The following GLIS3 variants were observed in gnomAD, a reference collection of about 807,000 sequenced individuals.
The protein encoded by GLIS3 is zinc finger protein GLIS3.
GLIS3 carries 53 observed loss-of-function variants against 78.6 expected under a neutral mutation model. That is an observed-to-expected ratio of 0.67 (90% CI 0.54 to 0.85). The LOEUF (loss-of-function observed/expected upper bound fraction) is 0.85, where lower values mean the gene tolerates loss of function less well. Ranked by LOEUF, GLIS3 falls within the 40% of genes least tolerant of loss-of-function variation. The pLI is 0.00. For synonymous variants in GLIS3, 684 were observed against 509.9 expected (o/e 1.34, Z -4.60); for missense variants, 1,703 against 1,231.1 (o/e 1.38, Z -5.74).
intron 2 of GLIS3, among the ~76,000 whole-genome samples, chr9:4,179,002 C>A (rs1277334611): frequency 6.6e-6 from 1 of 152,068 alleles, no homozygotes; most frequent in African/African-American, 2.4e-5. Context: ...CTGCAATTAC[C>A]AGAGTTTTTG....
chr9:4,337,444 C>T (rs975501793), intron 2 of GLIS3, among the ~76,000 whole-genome samples: 10 of 152,118 alleles, frequency 6.6e-5, no homozygotes, highest in African/African-American at 1.4e-4. Context: ...CAAAATCGTA[C>T]GGACAGTATT....
chr9:4,250,221 A>C (rs1287022519), intron 2 of GLIS3, among the ~76,000 whole-genome samples: 1 of 152,256 alleles, frequency 6.6e-6, no homozygotes, highest in Non-Finnish European at 1.5e-5. Flanking sequence ...TACCTCTGGT[A>C]AAATTCGGCT....
At chr9:4,238,107 T>C (rs1822944671) in intron 2 of GLIS3, among the ~76,000 whole-genome samples, 1 of 152,150 alleles carries the variant, frequency 6.6e-6, no homozygotes. Flanking sequence ...GAGTAAGCCT[T>C]TAGGACCACT....
Position 4,319,977 on chromosome 9 carries a change from A to AG in GLIS3, n.265-9450dup, listed in dbSNP as rs1563931479. Among the ~76,000 whole-genome samples, 5 of 145,134 alleles carry AG rather than the reference A, an allele frequency of 3.4e-5. No homozygotes were observed. The East Asian group carries it at 6.0e-4, about 17-fold the overall frequency. On this transcript the variant is annotated intron_variant and non_coding_transcript_variant, in intron 2 of 4. Coordinates refer to the GLIS3 transcript ENST00000471664. ...ATTGGTCCTTACAGTAGGTTAGTAGAGGGGGTTGTGTGTGTGTGTGTGTGT... is the reference window on the plus strand; with the variant it reads ...ATTGGTCCTTACAGTAGGTTAGTAGAGGGGGGTTGTGTGTGTGTGTGTGTGT...
intron 7 of GLIS3, among the ~76,000 whole-genome samples, chr9:3,890,782 CCAA>C (rs1285070423): frequency 2.0e-5 from 3 of 152,102 alleles, no homozygotes; most frequent in East Asian, 3.9e-4. Flanking sequence ...AACAAACCCA[CCAA>C]CAACACTACT....
chr9:4,164,068 A>G (rs1835702063), intron 2 of GLIS3, among the ~76,000 whole-genome samples: 2 of 152,176 alleles, frequency 1.3e-5, no homozygotes, highest in Admixed American at 1.3e-4. Context: ...CTAAACACAA[A>G]ATATGCAAAG....
At chr9:4,294,620 C>G (rs1816320195) in intron 1 of GLIS3, among the ~76,000 whole-genome samples, 1 of 152,078 alleles carries the variant, frequency 6.6e-6, no homozygotes, top group South Asian at 2.1e-4. Flanking sequence ...ACACACCTCT[C>G]TTTCAACATT....
intron 4 of GLIS3, among the ~76,000 whole-genome samples, chr9:4,004,586 G>A (rs1821392453): frequency 6.6e-6 from 1 of 152,160 alleles, no homozygotes; most frequent in Non-Finnish European, 1.5e-5. Flanking sequence ...AGGGCAATTT[G>A]GAGAAGTTTG....
At chr9:4,428,893 C>T in the GLIS3 span, among the ~76,000 whole-genome samples, 1 of 152,182 alleles carries the variant, frequency 6.6e-6, no homozygotes, top group Non-Finnish European at 1.5e-5. Context: ...CATTAAGGCA[C>T]ATGAGTTGTC....
At chr9:4,407,860 A>G in the GLIS3 span, among the ~76,000 whole-genome samples, 1 of 152,140 alleles carries the variant, frequency 6.6e-6, no homozygotes, top group African/African-American at 2.4e-5. Context: ...TTTGAACACT[A>G]CCCATTTGAC....
chr9:4,156,796 C>G (rs779136492), intron 2 of GLIS3, among the ~76,000 whole-genome samples: 7 of 151,940 alleles, frequency 4.6e-5, no homozygotes, highest in African/African-American at 1.7e-4. Context: ...CCTTAAGGAA[C>G]AAAAGGGTAT....
intron 2 of GLIS3, among the ~76,000 whole-genome samples, chr9:4,203,491 A>G (rs1412357914): frequency 2.0e-5 from 3 of 152,252 alleles, no homozygotes; most frequent in Non-Finnish European, 4.4e-5. Flanking sequence ...TGTAGCCTGG[A>G]ACTTAAAATT....
the GLIS3 span, among the ~76,000 whole-genome samples, chr9:4,378,426 A>AT: frequency 6.6e-6 from 1 of 152,074 alleles, no homozygotes; most frequent in African/African-American, 2.4e-5. Context: ...GTTTGTTTAT[A>AT]TTTTTTTCTT....
At chr9:4,283,864 AATAATAC>A (rs1827766898) in intron 2 of GLIS3, among the ~76,000 whole-genome samples, 1 of 152,206 alleles carries the variant, frequency 6.6e-6, no homozygotes, top group African/African-American at 2.4e-5. Flanking sequence ...TAGAGGTGAT[AATAATAC>A]AGCTGTCCTC....
intron 2 of GLIS3, among the ~76,000 whole-genome samples, chr9:4,217,961 T>G (rs1436792577): frequency 6.6e-6 from 1 of 152,230 alleles, no homozygotes; most frequent in Non-Finnish European, 1.5e-5. Context: ...GCTGTGAGAT[T>G]GAAAAGCTCA....
chr9:4,112,827 C>T (rs1831327885), intron 4 of GLIS3, among the ~76,000 whole-genome samples: 2 of 152,020 alleles, frequency 1.3e-5, no homozygotes, highest in Admixed American at 1.3e-4. Context: ...TAACAGACAC[C>T]TATGACACCT....
chr9:4,086,793 G>C (rs1829065631), intron 4 of GLIS3, among the ~76,000 whole-genome samples: 2 of 152,334 alleles, frequency 1.3e-5, no homozygotes, highest in South Asian at 4.1e-4. Context: ...ACTAGAGAGA[G>C]CCATGAACTT....
chr9:4,371,533 G>A, the GLIS3 span, among the ~76,000 whole-genome samples: 200 of 152,212 alleles, frequency 1.3e-3, no homozygotes, highest in African/African-American at 4.6e-3. Flanking sequence ...GATGGTTTTC[G>A]CTGCCTAGAC....
intron 2 of GLIS3, among the ~76,000 whole-genome samples, chr9:4,167,881 T>A (rs140594064): frequency 6.6e-6 from 1 of 152,138 alleles, no homozygotes; most frequent in Admixed American, 6.5e-5. Flanking sequence ...TGTTTCAAGG[T>A]GCCACTTTCG....
Sources: allele counts gnomAD v4.1 joint callset (sites outside exome capture counted in the v4.1 genomes callset), GRCh38; gene constraint gnomAD v4.1.1; transcripts MANE v1.5; gene names NCBI Gene and HGNC (gene_info 2026-07-23, HGNC 2026-07-21).